Variants in EEA1 observed in about 807,000 individuals in gnomAD.
EEA1 encodes early endosome antigen 1.
Under a neutral mutation model 209.2 loss-of-function variants are expected in EEA1, and 111 were observed. The ratio of observed to expected loss-of-function variants is 0.53; its 90% CI spans 0.45 to 0.62. EEA1 has a LOEUF of 0.62. Among genes scored for constraint, EEA1 ranks in the 20% least tolerant of loss-of-function variants. EEA1 has a pLI of 0.00. For missense variants in EEA1, 1,343 were observed against 1,530.8 expected (o/e 0.88, Z 2.05); for synonymous variants, 536 against 540.6 (o/e 0.99, Z 0.12).
intron 1 of EEA1, among the ~76,000 whole-genome samples, chr12:92,893,667 AAG>A (rs1409851997): frequency 1.3e-5 from 2 of 152,212 alleles, no homozygotes; most frequent in African/African-American, 4.8e-5. Flanking sequence ...AAAGATTAAA[AAG>A]AAATATTCCA....
chr12:92,844,304 A>G (rs1317931294), intron 9 of EEA1, among the ~76,000 whole-genome samples: 1 of 152,274 alleles, frequency 6.6e-6, no homozygotes, highest in East Asian at 1.9e-4. Context: ...TAGGAATGGA[A>G]TATGTCTGAG....
intron 1 of EEA1, among the ~76,000 whole-genome samples, chr12:92,908,544 T>G (rs1880463743): frequency 6.6e-6 from 1 of 152,140 alleles, no homozygotes; most frequent in South Asian, 2.1e-4. Context: ...AAATAATTAT[T>G]TTAAGTATTT....
chr12:92,824,497 T>C lies in EEA1; in HGVS notation c.1524+1669A>G, dbSNP rs148213191. Among the ~76,000 whole-genome samples, 549 of 152,308 alleles carry C rather than the reference T, an allele frequency of 3.6e-3. 2 individuals are homozygous for C. The highest frequency in any genetic ancestry group is 0.013 in the African/African-American group (528 of 41,570). On this transcript the variant is annotated intron_variant, in intron 13 of 28. Coordinates refer to ENST00000322349, the MANE Select transcript of EEA1 (RefSeq NM_003566.4). ...ACCTATGAGGAACTGGAGGTTCTGA[T>C]CTCCTGTGAGCTCTATGACCTGCCC...
chr12:92,906,629 G>A (rs867933585), intron 1 of EEA1, among the ~76,000 whole-genome samples: 69 of 152,124 alleles, frequency 4.5e-4, no homozygotes, highest in African/African-American at 1.6e-3. Flanking sequence ...TGGCTAACAC[G>A]GTGAAACCCC....
chr12:92,795,375 C>T (rs1028098642), intron 21 of EEA1, among the ~76,000 whole-genome samples: 3 of 152,186 alleles, frequency 2.0e-5, no homozygotes, highest in African/African-American at 4.8e-5. Flanking sequence ...AGTTTCTCTA[C>T]GCACTAAAGT....
chr12:92,900,428 CTGTG>C (rs957567388), intron 1 of EEA1, among the ~76,000 whole-genome samples: 7 of 135,390 alleles, frequency 5.2e-5, no homozygotes, highest in Non-Finnish European at 8.4e-5. Context: ...TATGTCTTTA[CTGTG>C]TGTTTTTTTT....
chr12:92,908,285 G>A (rs558906928), intron 1 of EEA1, among the ~76,000 whole-genome samples: 65 of 152,322 alleles, frequency 4.3e-4, no homozygotes, highest in African/African-American at 1.6e-3. Context: ...TAAATTCATA[G>A]TGACAGGAAG....
intron 2 of EEA1, among the ~76,000 whole-genome samples, chr12:92,885,509 A>G (rs1879340083): frequency 6.6e-6 from 1 of 152,198 alleles, no homozygotes; most frequent in Non-Finnish European, 1.5e-5. Context: ...ATTTCCCCTG[A>G]GAATCCATAA....
At chr12:92,848,214 T>C (rs1374347812) in intron 9 of EEA1, among the ~76,000 whole-genome samples, 6 of 151,178 alleles carry the variant, frequency 4.0e-5, no homozygotes, top group Non-Finnish European at 7.4e-5. Flanking sequence ...CCTTCTTTCC[T>C]AGAAATACCT....
At chr12:92,798,871 A>C (rs560802494) in intron 21 of EEA1, 21 bp downstream of exon 21, 1 of 1,505,438 alleles carries the variant, frequency 6.6e-7, no homozygotes, top group African/African-American at 1.4e-5. Context: ...TCCTATAAAA[A>C]GTAAACAAAT....
chr12:92,917,643 C>T (rs1307300003), intron 1 of EEA1, among the ~76,000 whole-genome samples: 1 of 151,424 alleles, frequency 6.6e-6, no homozygotes, highest in Non-Finnish European at 1.5e-5. Context: ...CAAAATCATG[C>T]CAAAATGTAA....
intron 1 of EEA1, among the ~76,000 whole-genome samples, chr12:92,928,811 C>T (rs1592785125): frequency 6.6e-6 from 1 of 151,384 alleles, no homozygotes; most frequent in Non-Finnish European, 1.5e-5. Flanking sequence ...CGCGCCGGAG[C>T]GGGCGCCAGG....
chr12:92,887,875 C>T (rs1044725187), intron 2 of EEA1, among the ~76,000 whole-genome samples: 14 of 151,648 alleles, frequency 9.2e-5, no homozygotes, highest in Admixed American at 2.6e-4. Context: ...AGATAATCAC[C>T]GAGAATTTTC....
At chr12:92,861,375 G>A (rs1488371110) in intron 3 of EEA1, among the ~76,000 whole-genome samples, 1 of 152,122 alleles carries the variant, frequency 6.6e-6, no homozygotes, top group Non-Finnish European at 1.5e-5. Context: ...GAATCGCTTG[G>A]ACCCAGGAGG....
chr12:92,874,481 T>G (rs1041576559), intron 2 of EEA1, among the ~76,000 whole-genome samples: 1 of 152,244 alleles, frequency 6.6e-6, no homozygotes, highest in Non-Finnish European at 1.5e-5. Flanking sequence ...TTCTCCTGCC[T>G]CAGCCTCCCG....
At chr12:92,805,262 A>C (rs868107996) in intron 18 of EEA1, among the ~76,000 whole-genome samples, 3 of 152,326 alleles carry the variant, frequency 2.0e-5, no homozygotes, top group Middle Eastern at 3.4e-3. Context: ...GAGGAATGCC[A>C]CCTGAGGCAC....
chr12:92,908,875 G>A (rs774350249), intron 1 of EEA1, among the ~76,000 whole-genome samples: 62 of 152,214 alleles, frequency 4.1e-4, no homozygotes, highest in Non-Finnish European at 7.6e-4. Context: ...CCAAGCTGGA[G>A]TGCAGTGGTA....
chr12:92,884,510 G>A (rs1879297859), intron 2 of EEA1: 1 of 1,475,264 alleles, frequency 6.8e-7, no homozygotes, highest in African/African-American at 1.4e-5. Flanking sequence ...TTTTGGAGGT[G>A]GTGGAAGCTA....
intron 16 of EEA1, among the ~76,000 whole-genome samples, chr12:92,812,210 T>C (rs1329644629): frequency 1.3e-5 from 2 of 151,902 alleles, no homozygotes; most frequent in African/African-American, 4.8e-5. Flanking sequence ...ATGCTTGTAA[T>C]CCCAGCTACT....
Sources: allele counts gnomAD v4.1 joint callset (sites outside exome capture counted in the v4.1 genomes callset), GRCh38; gene constraint gnomAD v4.1.1; transcripts MANE v1.5; gene names NCBI Gene and HGNC (gene_info 2026-07-23, HGNC 2026-07-21).